Variants in SUSD4 observed in about 807,000 individuals in gnomAD.
SUSD4 encodes the protein sushi domain containing 4.
In SUSD4, 41 loss-of-function variants were observed where a neutral mutation model predicts 50.5. That is an observed-to-expected ratio of 0.81 (90% CI 0.63 to 1.05). The LOEUF (loss-of-function observed/expected upper bound fraction) is 1.05, where lower values mean the gene tolerates loss of function less well. SUSD4 is among the 50% of genes least tolerant of loss of function. SUSD4 has a pLI of 0.00. For synonymous variants in SUSD4, 257 were observed against 257.3 expected, an observed-to-expected ratio of 1.00 and a Z score of 0.01; for missense variants, 580 against 634.7, an observed-to-expected ratio of 0.91 and a Z score of 0.93.
chr1:223,350,700 T>A (rs1236493768), intron 2 of SUSD4, among the ~76,000 whole-genome samples: 1 of 152,220 alleles, frequency 6.6e-6, no homozygotes, highest in Non-Finnish European at 1.5e-5. Flanking sequence ...CCTCTTCTAA[T>A]CAAGCTATGA....
In SUSD4 at chr1:223,303,607, G is replaced by A. The variant is rs561556683; in HGVS notation, c.149-10956C>T. Among the ~76,000 whole-genome samples, 142 of 152,258 alleles carry A rather than the reference G, an allele frequency of 9.3e-4. 1 individual carries two copies. The highest frequency in any genetic ancestry group is 3.4e-3 in the Middle Eastern group (1 of 294). On this transcript the variant is annotated intron_variant, in intron 2 of 8. Transcript: ENST00000366878. ...CTCTTTCCTTGTTCCCAGGTGGATC[G>A]GCAGGTCGAGAAATAATAGACATAC...
At chr1:223,290,007 TCATCTTATAGA>T (rs1200839226) in intron 3 of SUSD4, among the ~76,000 whole-genome samples, 1 of 152,224 alleles carries the variant, frequency 6.6e-6, no homozygotes, top group African/African-American at 2.4e-5. Flanking sequence ...ACAATAAGAC[TCATCTTATAGA>T]ATTGTTGTGC....
intron 5 of SUSD4, among the ~76,000 whole-genome samples, chr1:223,258,795 T>C (rs181107708): frequency 6.6e-6 from 1 of 152,292 alleles, no homozygotes; most frequent in African/African-American, 2.4e-5. Flanking sequence ...CCCTGGGGCC[T>C]CTGGGATCAT....
At chr1:223,357,850 T>C (rs946475936) in intron 2 of SUSD4, among the ~76,000 whole-genome samples, 1 of 152,244 alleles carries the variant, frequency 6.6e-6, no homozygotes, top group African/African-American at 2.4e-5. Flanking sequence ...TGATTGGTTT[T>C]GGTGAAGCAG....
At chr1:223,287,678 A>T (rs1664234067) in intron 3 of SUSD4, among the ~76,000 whole-genome samples, 1 of 151,640 alleles carries the variant, frequency 6.6e-6, no homozygotes, top group Non-Finnish European at 1.5e-5. Context: ...GACCTATGGG[A>T]CTCCAGCTTC....
chr1:223,310,378 G>C (rs1004530493), intron 2 of SUSD4, among the ~76,000 whole-genome samples: 3 of 152,188 alleles, frequency 2.0e-5, no homozygotes, highest in Non-Finnish European at 2.9e-5. Context: ...AGGAGCACCT[G>C]TACATGAGGC....
In SUSD4 at chr1:223,287,367, G is replaced by A. The variant is rs370522497; in HGVS notation, c.361+5072C>T. On this transcript the variant is annotated intron_variant, in intron 3 of 8. Transcript: ENST00000366878. ...ACTGGGATTACAGGCGTGAGCCACC[G>A]CACCCAGCCCAGAGGTAGCTTTTGA... Among the ~76,000 whole-genome samples, 53 of 152,262 alleles carry A rather than the reference G, an allele frequency of 3.5e-4. No individual in the cohort carries two copies. In the South Asian group the frequency reaches 9.9e-3, roughly 29 times the overall value.
chr1:223,338,682 T>C (rs963728872), intron 2 of SUSD4, among the ~76,000 whole-genome samples: 8 of 152,168 alleles, frequency 5.3e-5, no homozygotes, highest in Non-Finnish European at 8.8e-5. Flanking sequence ...GATGCACTTA[T>C]GCGAGGAAAC....
At chr1:223,252,206 C>T in intron 5 of SUSD4, among the ~76,000 whole-genome samples, 1 of 106,398 alleles carries the variant, frequency 9.4e-6, no homozygotes, top group Non-Finnish European at 1.9e-5. Flanking sequence ...TACCCTAGAA[C>T]TTAAAGTATA....
intron 2 of SUSD4, among the ~76,000 whole-genome samples, chr1:223,356,671 G>A (rs1015423452): frequency 1.3e-5 from 2 of 152,116 alleles, no homozygotes; most frequent in South Asian, 4.1e-4. Context: ...GGACCAAAAT[G>A]ACAAAGAGGA....
intron 3 of SUSD4, among the ~76,000 whole-genome samples, chr1:223,278,084 G>A (rs1031202279): frequency 7.2e-5 from 11 of 151,928 alleles, no homozygotes; most frequent in African/African-American, 9.7e-5. Flanking sequence ...AACCAGTCCC[G>A]AGTTCCAAGA....
intron 1 of SUSD4, 131 bp from the exon 2 acceptor site, chr1:223,363,591 C>T (rs1669134715): frequency 1.8e-6 from 2 of 1,123,626 alleles, no homozygotes; most frequent in African/African-American, 1.6e-5. Flanking sequence ...CCGCGCGGCC[C>T]CCGCCCCCTT....
intron 2 of SUSD4, among the ~76,000 whole-genome samples, chr1:223,301,372 C>T (rs73122256): frequency 9.1e-4 from 138 of 152,298 alleles, no homozygotes; most frequent in African/African-American, 2.8e-3. Context: ...TATTGACCAC[C>T]GCATGGTCTG....
At chr1:223,271,724 C>G (rs1662932664) in intron 3 of SUSD4, among the ~76,000 whole-genome samples, 1 of 152,048 alleles carries the variant, frequency 6.6e-6, no homozygotes, top group South Asian at 2.1e-4. Context: ...TGATCCTCCC[C>G]CTAAAGGAGG....
chr1:223,251,440 AC>A (rs1661300278), intron 5 of SUSD4, among the ~76,000 whole-genome samples: 2 of 152,150 alleles, frequency 1.3e-5, no homozygotes, highest in Admixed American at 1.3e-4. Context: ...TGAGGGATCC[AC>A]CCCCATGATC....
At chr1:223,232,658 T>C (rs977327460) in intron 5 of SUSD4, among the ~76,000 whole-genome samples, 1 of 152,210 alleles carries the variant, frequency 6.6e-6, no homozygotes, top group South Asian at 2.1e-4. Context: ...AATGGTCCCA[T>C]GGTGTGCTCA....
intron 3 of SUSD4, among the ~76,000 whole-genome samples, chr1:223,280,210 T>C (rs2103113285): frequency 6.6e-6 from 1 of 152,300 alleles, no homozygotes; most frequent in South Asian, 2.1e-4. Flanking sequence ...AACATCATAA[T>C]GACAGGATCA....
At chr1:223,281,997 A>T (rs1298957156) in intron 3 of SUSD4, among the ~76,000 whole-genome samples, 1 of 152,244 alleles carries the variant, frequency 6.6e-6, no homozygotes, top group Non-Finnish European at 1.5e-5. Context: ...CCACATGATT[A>T]TCTCAATAGA....
chr1:223,263,543 G>C, intron 5 of SUSD4: 1 of 985,310 alleles, frequency 1.0e-6, no homozygotes, highest in Non-Finnish European at 1.2e-6. Context: ...GGAGTGAGGG[G>C]AGTTCTAATG....
Sources: allele counts gnomAD v4.1 joint callset (sites outside exome capture counted in the v4.1 genomes callset), GRCh38; gene constraint gnomAD v4.1.1; transcripts MANE v1.5; gene names NCBI Gene and HGNC (gene_info 2026-07-23, HGNC 2026-07-21).